Variants in SSBP3 observed in about 807,000 individuals in gnomAD.
SSBP3 encodes the protein single stranded DNA binding protein 3.
Under a neutral mutation model 69.6 loss-of-function variants are expected in SSBP3, and 5 were observed. That is an observed-to-expected ratio of 0.07 (90% CI 0.04 to 0.15). The LOEUF (loss-of-function observed/expected upper bound fraction) is 0.15, where lower values mean the gene tolerates loss of function less well. Ranked by LOEUF, SSBP3 falls within the 10% of genes least tolerant of loss-of-function variation. The probability of loss-of-function intolerance (pLI) is 1.00; values close to 1 mark genes in which losing one functional copy is unlikely to be tolerated. For synonymous variants in SSBP3, 196 were observed against 193.4 expected, an observed-to-expected ratio of 1.01 and a Z score of -0.11; for missense variants, 312 against 534.0, an observed-to-expected ratio of 0.58 and a Z score of 4.10.
At chr1:54,365,607 G>A (rs1647018147) in intron 4 of SSBP3, among the ~76,000 whole-genome samples, 1 of 152,140 alleles carries the variant, frequency 6.6e-6, no homozygotes, top group South Asian at 2.1e-4. Context: ...AACTGGGTGG[G>A]CGTGGCCCAA....
At chr1:54,250,718 C>T (rs1257085041) in intron 9 of SSBP3, among the ~76,000 whole-genome samples, 2 of 152,184 alleles carry the variant, frequency 1.3e-5, no homozygotes, top group Non-Finnish European at 2.9e-5. Flanking sequence ...TTCCAGCTTC[C>T]TTTAGTTAGG....
At chr1:54,374,580 C>T (rs919248550) in intron 4 of SSBP3, among the ~76,000 whole-genome samples, 1 of 152,160 alleles carries the variant, frequency 6.6e-6, no homozygotes, top group Non-Finnish European at 1.5e-5. Context: ...TTACATTATC[C>T]CCATTTCACA....
chr1:54,334,785 C>T (rs1646479848), intron 4 of SSBP3, among the ~76,000 whole-genome samples: 1 of 152,186 alleles, frequency 6.6e-6, no homozygotes, highest in Non-Finnish European at 1.5e-5. Flanking sequence ...TCAGTGATGG[C>T]CAACTGCTGC....
At chr1:54,241,946 G>A (rs1229051497) in intron 11 of SSBP3, among the ~76,000 whole-genome samples, 3 of 152,210 alleles carry the variant, frequency 2.0e-5, no homozygotes, top group Admixed American at 2.0e-4. Flanking sequence ...CCTTAGAGGA[G>A]TGGGCTGGCT....
At chr1:54,391,132 C>T (rs1244717226) in intron 4 of SSBP3, among the ~76,000 whole-genome samples, 1 of 152,208 alleles carries the variant, frequency 6.6e-6, no homozygotes, top group African/African-American at 2.4e-5. Flanking sequence ...TGTCACCAGC[C>T]TCAGTGTCCC....
Position 54,385,600 on chromosome 1 carries a change from T to C in SSBP3, c.276+16261A>G, listed in dbSNP as rs551215806. 1.8e-4 allele frequency among the ~76,000 whole-genome samples: 27 copies of C among 152,304 alleles called. No individual in the cohort carries two copies. The South Asian group carries it at 5.4e-3, about 30-fold the overall frequency. On this transcript the variant is annotated intron_variant, in intron 4 of 17. Transcript: ENST00000610401. ...ACCCCAGTCCACCATTCATAAATACTTCCTGCTTTTCATTCCACTCCTCTT... is the reference window on the plus strand; with the variant it reads ...ACCCCAGTCCACCATTCATAAATACCTCCTGCTTTTCATTCCACTCCTCTT...
intron 14 of SSBP3, among the ~76,000 whole-genome samples, chr1:54,234,888 C>T (rs375755724): frequency 5.9e-5 from 9 of 152,024 alleles, no homozygotes; most frequent in Non-Finnish European, 1.2e-4. Flanking sequence ...TTCAGCCTCC[C>T]GAGTAGCTGA....
rs3033693 is a variant in SSBP3, at chr1:54,406,362, T to TGCCGCCGCC, written c.-363_-355dup. ...CCGCCCTCTGCGCCTCCAGCACCGC[T>TGCCGCCGCC]GCCGCCGCCGCCGCCGCCGCCGCCG... On this transcript the variant is annotated 5_prime_UTR_variant, in exon 1 of 18. Transcript: ENST00000610401. 2.2e-3 allele frequency: 346 copies of TGCCGCCGCC among 156,446 alleles called. 2 individuals are homozygous for TGCCGCCGCC. Among genetic ancestry groups the TGCCGCCGCC allele is most frequent in the Non-Finnish European group, 2.9e-3 (215 of 74,664 alleles). 9.7% of individuals were successfully genotyped at this position (156,446 alleles called of 1,614,324 possible).
chr1:54,316,690 AAATAAATAAATAAAT>A (rs1557525601), intron 4 of SSBP3, among the ~76,000 whole-genome samples: 7 of 130,648 alleles, frequency 5.4e-5, no homozygotes, highest in South Asian at 2.3e-4. Flanking sequence ...ATAAATAAAT[AAATAAATAAATAAAT>A]AAATAAAATA....
chr1:54,323,457 G>A (rs993421971), intron 4 of SSBP3, among the ~76,000 whole-genome samples: 3 of 152,170 alleles, frequency 2.0e-5, no homozygotes, highest in Non-Finnish European at 4.4e-5. Flanking sequence ...GCGTCCTGCT[G>A]GAAGGAGGCT....
chr1:54,398,628 A>G (rs897041313), intron 4 of SSBP3, among the ~76,000 whole-genome samples: 9 of 152,236 alleles, frequency 5.9e-5, no homozygotes, highest in East Asian at 1.9e-4. Context: ...AGATGCCCCA[A>G]TGGGATCCCA....
chr1:54,237,750 A>C (rs1644524141), intron 14 of SSBP3: 1 of 175,794 alleles, frequency 5.7e-6, no homozygotes. Flanking sequence ...GTCAAGACTG[A>C]AACCAGCACC....
At chr1:54,282,158 G>C (rs1179277573) in intron 4 of SSBP3, among the ~76,000 whole-genome samples, 2 of 152,232 alleles carry the variant, frequency 1.3e-5, no homozygotes, top group African/African-American at 4.8e-5. Flanking sequence ...CTGCGGTGCA[G>C]AGCAGGGGTG....
Position 54,228,470 on chromosome 1 carries a change from G to T in SSBP3, c.1014C>A (p.Gly338=), listed in dbSNP as rs773511537. 5.0e-6 allele frequency: 8 copies of T among 1,614,078 alleles called. No individual in the cohort carries two copies. The East Asian group carries it at 6.7e-5, about 13-fold the overall frequency. ...TCACTTTTGGAAGTCCGTCTATGTC[G>T]CCTGACCCTGGAAAGAAAAAATAAT... The change falls in exon 16 of 18, where the codon GGC becomes GGA. Residue 338 remains glycine, a synonymous_variant. Transcript: ENST00000610401.
At chr1:54,273,889 A>G (rs1645239346) in intron 5 of SSBP3, among the ~76,000 whole-genome samples, 1 of 152,230 alleles carries the variant, frequency 6.6e-6, no homozygotes, top group African/African-American at 2.4e-5. Flanking sequence ...GGGGAAGAGC[A>G]GTGGTTCCCC....
intron 4 of SSBP3, among the ~76,000 whole-genome samples, chr1:54,400,877 G>A (rs1649243063): frequency 6.6e-6 from 1 of 152,178 alleles, no homozygotes; most frequent in South Asian, 2.1e-4. Context: ...CCAAGCAGGT[G>A]GGACCCAATG....
At chr1:54,365,487 A>G (rs1647016041) in intron 4 of SSBP3, among the ~76,000 whole-genome samples, 1 of 152,222 alleles carries the variant, frequency 6.6e-6, no homozygotes, top group African/African-American at 2.4e-5. Flanking sequence ...AAAGGCAACA[A>G]GTGGGGCGCA....
At chr1:54,359,295 TCTG>T (rs1400850238) in intron 4 of SSBP3, among the ~76,000 whole-genome samples, 1 of 149,958 alleles carries the variant, frequency 6.7e-6, no homozygotes, top group Non-Finnish European at 1.5e-5. Context: ...TTATAGCTGC[TCTG>T]TCTAAAACAG....
At chr1:54,321,744 G>A (rs1160629073) in intron 4 of SSBP3, among the ~76,000 whole-genome samples, 1 of 152,218 alleles carries the variant, frequency 6.6e-6, no homozygotes, top group Non-Finnish European at 1.5e-5. Flanking sequence ...AAACATACTG[G>A]AGTGTCTTCC....
Sources: allele counts gnomAD v4.1 joint callset (sites outside exome capture counted in the v4.1 genomes callset), GRCh38; gene constraint gnomAD v4.1.1; transcripts MANE v1.5; gene names NCBI Gene and HGNC (gene_info 2026-07-23, HGNC 2026-07-21).